CEP128: variants seen among roughly 807,000 people sequenced by gnomAD.
The protein encoded by CEP128 is centrosomal protein 128.
A neutral mutation model predicts 156.7 loss-of-function variants in CEP128; 132 were observed. That is an observed-to-expected ratio of 0.84 (90% confidence interval 0.73 to 0.97). CEP128 has a LOEUF of 0.97. CEP128 is among the 50% of genes least tolerant of loss of function. CEP128 has a pLI of 0.00. For missense variants in CEP128, 1,252 were observed against 1,281.9 expected (o/e 0.98, Z 0.36); for synonymous variants, 469 against 448.9 (o/e 1.04, Z -0.57).
At chr14:80,893,295 G>A (rs902322598) in intron 8 of CEP128, among the ~76,000 whole-genome samples, 1 of 151,834 alleles carries the variant, frequency 6.6e-6, no homozygotes, top group Non-Finnish European at 1.5e-5. Flanking sequence ...AATATACAGA[G>A]AGAGAGAACA....
At chr14:80,773,572 A>T (rs1207571390) in intron 16 of CEP128, among the ~76,000 whole-genome samples, 1 of 152,180 alleles carries the variant, frequency 6.6e-6, no homozygotes, top group Non-Finnish European at 1.5e-5. Context: ...ATAAGCTCAT[A>T]ACTATTTGCA....
intron 2 of CEP128, among the ~76,000 whole-genome samples, chr14:80,919,578 G>A (rs1387180610): frequency 6.6e-6 from 1 of 151,926 alleles, no homozygotes; most frequent in African/African-American, 2.4e-5. Context: ...TGTTCCCATA[G>A]GCATGGGTAC....
At chr14:80,755,150 G>C (rs1360445850) in intron 18 of CEP128, among the ~76,000 whole-genome samples, 1 of 152,100 alleles carries the variant, frequency 6.6e-6, no homozygotes, top group Non-Finnish European at 1.5e-5. Context: ...AGACAGACTG[G>C]TCGAGCCTCC....
chr14:80,486,110 T>G (rs965182889), downstream of CEP128, among the ~76,000 whole-genome samples: 1 of 152,160 alleles, frequency 6.6e-6, no homozygotes. Flanking sequence ...ATGGGACCTA[T>G]TGCATTGTAG....
chr14:80,485,433 A>C (rs1887141077), intron 14 of CEP128, among the ~76,000 whole-genome samples: 1 of 152,124 alleles, frequency 6.6e-6, no homozygotes, highest in Admixed American at 6.5e-5. Flanking sequence ...AAACAGTGAA[A>C]TATGAATGAG....
At chr14:80,924,073 T>C (rs570188866) in intron 2 of CEP128, among the ~76,000 whole-genome samples, 43 of 152,334 alleles carry the variant, frequency 2.8e-4, no homozygotes, top group African/African-American at 8.4e-4. Flanking sequence ...TGTGAGTCAA[T>C]TAAACCTCTT....
chr14:80,538,011 T>C (rs1264700889), intron 21 of CEP128, among the ~76,000 whole-genome samples: 1 of 152,210 alleles, frequency 6.6e-6, no homozygotes, highest in African/African-American at 2.4e-5. Flanking sequence ...ATGGTCTTTA[T>C]TATTCTACGC....
At chr14:80,946,315 C>CTCATGATGCATCATGATGATGCA (rs1886342182), upstream of CEP128, among the ~76,000 whole-genome samples, 1 of 66,302 alleles carries the variant, frequency 1.5e-5, no homozygotes, top group African/African-American at 5.9e-5. Flanking sequence ...ACCTTGATGC[C>CTCATGATGCATCATGATGATGCA]TCATGATGCA....
chr14:80,863,702 T>C lies in CEP128; in HGVS notation c.646-829A>G, dbSNP rs184613823. On this transcript the variant is annotated intron_variant, in intron 8 of 24. Coordinates refer to ENST00000555265, the MANE Select transcript of CEP128 (RefSeq NM_152446.5). ...ATAAACACAGCTGTTATAAGAAATC[T>C]TTTGTCACCAATTATTTATATGACA... Among the ~76,000 whole-genome samples the C allele has an allele frequency of 4.0e-3, 609 of 152,324 alleles. 7 individuals carry two copies. The highest frequency in any genetic ancestry group is 0.014 in the African/African-American group (585 of 41,582).
At chr14:80,639,321 A>C (rs1894315712) in intron 19 of CEP128, among the ~76,000 whole-genome samples, 1 of 152,182 alleles carries the variant, frequency 6.6e-6, no homozygotes, top group African/African-American at 2.4e-5. Context: ...AGGCTAACAA[A>C]CATATGGGAT....
chr14:80,822,158 T>C (rs1885222115), intron 13 of CEP128, among the ~76,000 whole-genome samples: 1 of 152,088 alleles, frequency 6.6e-6, no homozygotes, highest in Admixed American at 6.6e-5. Context: ...CCAAATCTCA[T>C]GTCCTCACAT....
intron 20 of CEP128, among the ~76,000 whole-genome samples, chr14:80,566,498 T>C (rs1386028939): frequency 6.6e-6 from 1 of 152,128 alleles, no homozygotes; most frequent in Non-Finnish European, 1.5e-5. Context: ...TTACAGTGAT[T>C]TAAAAAAAAT....
At chr14:80,927,541 G>T (rs1885218469) in intron 2 of CEP128, among the ~76,000 whole-genome samples, 1 of 152,230 alleles carries the variant, frequency 6.6e-6, no homozygotes, top group Non-Finnish European at 1.5e-5. Flanking sequence ...GCCTCTACAT[G>T]CATGAAAAGA....
intron 8 of CEP128, among the ~76,000 whole-genome samples, chr14:80,867,056 G>T (rs1277957608): frequency 1.3e-5 from 2 of 152,098 alleles, no homozygotes; most frequent in Non-Finnish European, 2.9e-5. Context: ...TAAGTTGAGA[G>T]TTTCACATTT....
intron 19 of CEP128, among the ~76,000 whole-genome samples, chr14:80,633,783 T>A (rs1011941521): frequency 2.0e-5 from 3 of 152,164 alleles, no homozygotes; most frequent in African/African-American, 7.2e-5. Context: ...AATAATTAAA[T>A]AAATGACTAC....
intron 14 of CEP128, among the ~76,000 whole-genome samples, chr14:80,789,434 T>A (rs185294760): frequency 2.0e-5 from 3 of 152,240 alleles, no homozygotes; most frequent in African/African-American, 7.2e-5. Context: ...TCAGTGACGG[T>A]CACTATAAAA....
intron 19 of CEP128, among the ~76,000 whole-genome samples, chr14:80,657,858 C>T (rs1182061945): frequency 6.6e-6 from 1 of 151,962 alleles, no homozygotes; most frequent in East Asian, 1.9e-4. Context: ...CCTTTGTAAC[C>T]AAAAAGACTA....
intron 21 of CEP128, among the ~76,000 whole-genome samples, chr14:80,534,043 G>A (rs1221348909): frequency 2.0e-5 from 3 of 152,144 alleles, no homozygotes; most frequent in South Asian, 2.1e-4. Flanking sequence ...AACAAGATGT[G>A]AAGTAATGAA....
In CEP128 at chr14:80,520,448, C is replaced by A. The variant is rs750559834; in HGVS notation, c.3072+6421G>T. On this transcript the variant is annotated intron_variant, in intron 23 of 24. Transcript: ENST00000555265. ...AACAAACAAACAAACAAACAAAAAACAACATTCATTTACCCTATTAACAGA... is the reference window on the plus strand; with the variant it reads ...AACAAACAAACAAACAAACAAAAAAAAACATTCATTTACCCTATTAACAGA... 8.2e-3 allele frequency among the ~76,000 whole-genome samples: 912 copies of A among 111,888 alleles called. 5 individuals are homozygous for A. Among genetic ancestry groups the A allele is most frequent in the Non-Finnish European group, 0.013 (607 of 47,734 alleles). 73.4% of individuals were successfully genotyped at this position (111,888 alleles called of 152,430 possible). A position where few individuals can be genotyped will look rare whatever the true frequency, so the allele number is the denominator to read the frequency against.
Sources: allele counts gnomAD v4.1 joint callset (sites outside exome capture counted in the v4.1 genomes callset), GRCh38; gene constraint gnomAD v4.1.1; transcripts MANE v1.5; gene names NCBI Gene and HGNC (gene_info 2026-07-23, HGNC 2026-07-21).